Variants in CNOT4 observed in about 807,000 individuals in gnomAD.
The protein encoded by CNOT4 is CCR4-associated factor 4.
Under a neutral mutation model 73.8 loss-of-function variants are expected in CNOT4, and 8 were observed. That is an observed-to-expected ratio of 0.11 (90% confidence interval 0.06 to 0.20). The LOEUF (loss-of-function observed/expected upper bound fraction) is 0.20. CNOT4 is among the 10% of genes least tolerant of loss of function. The pLI, the probability that CNOT4 is intolerant of heterozygous loss-of-function variation, is 1.00. For synonymous variants in CNOT4, 293 were observed against 321.1 expected (o/e 0.91, Z 0.94); for missense variants, 564 against 883.4 (o/e 0.64, Z 4.58).
In CNOT4 at chr7:135,438,433, A is replaced by G. The variant is rs1233632947; in HGVS notation, c.-92-10T>C. ...GTAGGACTTTGACGACCTGCATGAGAAGAAACAAAATACATTGTTTACTAC... is the reference window on the plus strand; with the variant it reads ...GTAGGACTTTGACGACCTGCATGAGGAGAAACAAAATACATTGTTTACTAC... On this transcript the variant is annotated splice_polypyrimidine_tract_variant and intron_variant, in intron 1 of 11. Coordinates refer to ENST00000541284, the MANE Select transcript of CNOT4 (RefSeq NM_001190850.2). 9.2e-6 allele frequency: 8 copies of G among 868,710 alleles called. 1 individual carries two copies. The Middle Eastern group carries it at 7.5e-4, about 81-fold the overall frequency. 53.8% of individuals were successfully genotyped at this position (868,710 alleles called of 1,614,324 possible).
chr7:135,426,395 A>G (rs1481246652), intron 2 of CNOT4, among the ~76,000 whole-genome samples: 5 of 151,662 alleles, frequency 3.3e-5, no homozygotes, highest in South Asian at 4.2e-4. Flanking sequence ...AAGGTCAGGA[A>G]ATCGAGACCA....
intron 3 of CNOT4, 42 bp downstream of exon 3, chr7:135,422,114 A>C (rs1165871257): frequency 1.6e-6 from 2 of 1,225,362 alleles, no homozygotes; most frequent in Non-Finnish European, 2.4e-6. Context: ...AAGACAAGGA[A>C]ACAAAAAATA....
At chr7:135,395,607 C>T (rs1356552057) in intron 9 of CNOT4, 27 bp downstream of exon 9, 4 of 1,598,048 alleles carry the variant, frequency 2.5e-6, no homozygotes, top group East Asian at 2.2e-5. Context: ...AGCATAATTA[C>T]TAATACTTGG....
intron 8 of CNOT4, 39 bp from the exon 9 acceptor site, chr7:135,395,922 A>T (rs1226772318): frequency 7.2e-7 from 1 of 1,397,352 alleles, no homozygotes; most frequent in Admixed American, 1.8e-5. Flanking sequence ...CTACATGTTT[A>T]TACATTTTAA....
At chr7:135,426,784 G>A (rs905776779) in intron 2 of CNOT4, among the ~76,000 whole-genome samples, 15 of 151,780 alleles carry the variant, frequency 9.9e-5, no homozygotes, top group African/African-American at 2.9e-4. Context: ...TGAGCCAGGC[G>A]TGATGGCAGG....
intron 10 of CNOT4, among the ~76,000 whole-genome samples, chr7:135,372,688 C>G (rs1795283140): frequency 6.6e-6 from 1 of 151,984 alleles, no homozygotes; most frequent in Admixed American, 6.6e-5. Flanking sequence ...TCCCAAATAG[C>G]TGGGATTACA....
chr7:135,486,324 A>G (rs1442701497), intron 1 of CNOT4, among the ~76,000 whole-genome samples: 1 of 152,214 alleles, frequency 6.6e-6, no homozygotes, highest in African/African-American at 2.4e-5. Flanking sequence ...ATCTTTAGCC[A>G]TTAGGGAATG....
chr7:135,424,867 A>G (rs1482729549), intron 2 of CNOT4, among the ~76,000 whole-genome samples: 2 of 152,194 alleles, frequency 1.3e-5, no homozygotes, highest in African/African-American at 2.4e-5. Flanking sequence ...CTGACATCTA[A>G]AACACCGATG....
chr7:135,388,196 A>G (rs1796218624), intron 10 of CNOT4: 1 of 985,010 alleles, frequency 1.0e-6, no homozygotes, highest in Admixed American at 6.2e-5. Flanking sequence ...TTCAAAAAGA[A>G]AGTGCAAAAG....
intron 3 of CNOT4, among the ~76,000 whole-genome samples, chr7:135,416,911 T>C (rs571612439): frequency 1.9e-4 from 29 of 152,308 alleles, no homozygotes; most frequent in Middle Eastern, 6.8e-3. Flanking sequence ...AATTTCTGAA[T>C]GCCCTGCAAG....
intron 7 of CNOT4, among the ~76,000 whole-genome samples, chr7:135,405,861 T>C (rs1797253567): frequency 6.6e-6 from 1 of 152,176 alleles, no homozygotes; most frequent in African/African-American, 2.4e-5. Flanking sequence ...ATTTTAAGCT[T>C]AGAGCCTCAA....
At chr7:135,413,364 C>T (rs927702748) in intron 6 of CNOT4, 124 bp downstream of exon 6, 4 of 1,105,448 alleles carry the variant, frequency 3.6e-6, no homozygotes, top group African/African-American at 1.6e-5. Context: ...TTGGCAAATG[C>T]TACTTTAAAG....
intron 6 of CNOT4, among the ~76,000 whole-genome samples, chr7:135,412,444 A>T (rs763236450): frequency 1.3e-5 from 2 of 151,944 alleles, no homozygotes; most frequent in Non-Finnish European, 2.9e-5. Context: ...TCTACCTTAG[A>T]TTTCATTCAA....
At chr7:135,391,145 T>A (rs914536340) in intron 10 of CNOT4, among the ~76,000 whole-genome samples, 4 of 152,158 alleles carry the variant, frequency 2.6e-5, no homozygotes, top group Non-Finnish European at 5.9e-5. Flanking sequence ...GATGTATATA[T>A]AGTTTTCCAG....
intron 2 of CNOT4, among the ~76,000 whole-genome samples, chr7:135,429,022 A>T (rs1798670239): frequency 6.6e-6 from 1 of 152,096 alleles, no homozygotes. Flanking sequence ...TAATTCTGTT[A>T]TTCAAATTCC....
Position 135,363,276 on chromosome 7 carries a change from G to A in CNOT4, c.1841-90C>T. The A allele has an allele frequency of 8.2e-7, 1 of 1,219,180 alleles. No homozygotes were observed. Among genetic ancestry groups the A allele is most frequent in the East Asian group, 2.3e-5 (1 of 42,860 alleles). 75.5% of individuals were successfully genotyped at this position (1,219,180 alleles called of 1,614,324 possible). ...ACAAATTTAGAAAGCAAAACCAAAA[G>A]GAAAGACAGAAGAGATTACAATTTT... is the stretch of plus-strand genomic sequence containing the variant. On this transcript the variant is annotated intron_variant, in intron 11 of 11. Coordinates refer to ENST00000541284, the MANE Select transcript of CNOT4 (RefSeq NM_001190850.2). This position sits in a 1 kb window ranked among gnomAD's most constrained non-coding sequence, Gnocchi z 4.3.
In CNOT4 at chr7:135,438,202, G is replaced by T; in HGVS notation, c.130C>A (p.Arg44=). 6.2e-7 allele frequency: 1 copy of T among 1,607,972 alleles called. No homozygotes were observed. Among genetic ancestry groups the T allele is most frequent in the Non-Finnish European group, 8.5e-7 (1 of 1,174,404 alleles). ...GYQICRFCWH[R]IRTDENGLCP... ...AGCCCATTTTCATCAGTGCGAATTC[G>T]ATGCCAACAAAATCGGCAAATCTGG... The change falls in exon 2 of 12, where the codon CGA becomes AGA. Residue 44 remains arginine (R), a synonymous_variant. Transcript: ENST00000541284.
Position 135,417,514 on chromosome 7 carries a change from G to A in CNOT4, c.373-2252C>T, listed in dbSNP as rs565941779. ...AAAAAGTGGACACTGAGTCGGATAAGGTTGAAGGCCACTGGTTTATGGAAA... is the reference window on the plus strand; with the variant it reads ...AAAAAGTGGACACTGAGTCGGATAAAGTTGAAGGCCACTGGTTTATGGAAA... On this transcript the variant is annotated intron_variant, in intron 3 of 11. Coordinates refer to ENST00000541284, the MANE Select transcript of CNOT4 (RefSeq NM_001190850.2). Among the ~76,000 whole-genome samples, 4 of 152,296 alleles carry A rather than the reference G, an allele frequency of 2.6e-5. No individual in the cohort carries two copies. In the South Asian group the frequency reaches 6.2e-4, roughly 24 times the overall value.
At chr7:135,387,866 T>C in intron 10 of CNOT4, 1 of 970,508 alleles carries the variant, frequency 1.0e-6, no homozygotes, top group Non-Finnish European at 1.2e-6. Flanking sequence ...ACATCCAATC[T>C]CTTCTCTTCT....
Sources: allele counts gnomAD v4.1 joint callset (sites outside exome capture counted in the v4.1 genomes callset), GRCh38; gene constraint gnomAD v4.1.1; non-coding constraint Gnocchi (gnomAD v3.1); transcripts MANE v1.5; gene names NCBI Gene and HGNC (gene_info 2026-07-23, HGNC 2026-07-21).